The following GEMIN2 variants were observed in gnomAD, a reference collection of about 807,000 sequenced individuals.
GEMIN2 encodes the protein gem nuclear organelle associated protein 2.
In GEMIN2, 37 loss-of-function variants were observed where a neutral mutation model predicts 45.8. That is an observed-to-expected ratio of 0.81 (90% CI 0.62 to 1.06). GEMIN2 has a LOEUF of 1.06. GEMIN2 is among the 50% of genes least tolerant of loss of function. GEMIN2 has a pLI of 0.00. For missense variants in GEMIN2, 335 were observed against 321.8 expected, an observed-to-expected ratio of 1.04 and a Z score of -0.31; for synonymous variants, 101 against 111.5, an observed-to-expected ratio of 0.91 and a Z score of 0.60.
In GEMIN2 at chr14:39,114,550, C is replaced by T. The variant is rs2052477223; in HGVS notation, c.137+75C>T. The stretch of plus-strand genomic sequence containing the variant: ...GGGTACAGCCCTCGGTGCTCTATTC[C>T]CGTTCCAGTCTGTTGCGAGTTCAGG... On this transcript the variant is annotated intron_variant, in intron 1 of 9. Coordinates refer to ENST00000308317, the MANE Select transcript of GEMIN2 (RefSeq NM_003616.3). The T allele has an allele frequency of 3.7e-6, 4 of 1,095,476 alleles. No homozygotes were observed. The South Asian group carries it at 5.7e-5, about 16-fold the overall frequency. The allele number at this position is 1,095,476 out of a possible 1,614,324, so 67.9% of individuals were successfully genotyped here.
chr14:39,127,062 C>A (rs901824864), intron 6 of GEMIN2, among the ~76,000 whole-genome samples: 1 of 151,418 alleles, frequency 6.6e-6, no homozygotes, highest in African/African-American at 2.4e-5. Flanking sequence ...CCGCGCCTGG[C>A]CAACTGATGG....
rs145549333 is a variant in GEMIN2, at chr14:39,114,868, A to C, written c.177A>C (p.Gln59His). The part of the protein sequence containing the change: ...AAQCPDVVVA[Q>H]IDPKKLKRKQ... Reference sequence around the variant, plus strand: ...AATGTCCAGATGTTGTGGTAGCTCAAATTGACCCAAAGAAGTTGAAAAGGA... The same window carrying C: ...AATGTCCAGATGTTGTGGTAGCTCACATTGACCCAAAGAAGTTGAAAAGGA... Residue 59 changes from glutamine (Q) to histidine (H), a missense_variant, in exon 2 of 10, where the codon CAA becomes CAC. By Grantham distance (24) the Gln-to-His change is conservative. Transcript: ENST00000308317. 1.3e-6 allele frequency: 2 copies of C among 1,583,564 alleles called. No homozygotes were observed. The highest frequency in any genetic ancestry group is 3.3e-5 in the Admixed American group (2 of 59,968).
In GEMIN2 at chr14:39,136,592, G is replaced by C; in HGVS notation, c.*113G>C. The C allele has an allele frequency of 5.0e-6, 4 of 806,286 alleles. No homozygotes were observed. Among genetic ancestry groups the C allele is most frequent in the Non-Finnish European group, 8.5e-6 (4 of 468,486 alleles). The allele number at this position is 806,286 out of a possible 1,614,324, so 49.9% of individuals were successfully genotyped here. On this transcript the variant is annotated 3_prime_UTR_variant, in exon 10 of 10. Transcript: ENST00000308317. Reference sequence around the variant, plus strand: ...AACACATCTTCAACACTATGTGAAGGGTTCACATCTTAACCTGTGCAATTC... The same window carrying C: ...AACACATCTTCAACACTATGTGAAGCGTTCACATCTTAACCTGTGCAATTC...
In GEMIN2 at chr14:39,128,294, T is replaced by C. The variant is rs747012084; in HGVS notation, c.546T>C (p.Ser182=). 1.2e-5 allele frequency: 19 copies of C among 1,552,062 alleles called. 1 individual carries two copies. In the South Asian group the frequency reaches 2.2e-4, roughly 18 times the overall value. Residue 182 remains serine, a synonymous_variant, in exon 7 of 10, where the codon AGT becomes AGC. Coordinates refer to ENST00000308317, the MANE Select transcript of GEMIN2 (RefSeq NM_003616.3). ...VSRMNQATVT[S]VLEYLSNWFG... is the part of the protein sequence containing the mutation. ...TTTTTTTTTAGGCAACAGTAACTAGTGTCTTGGAATATCTGAGTAATTGGT... is the reference window on the plus strand; with the variant it reads ...TTTTTTTTTAGGCAACAGTAACTAGCGTCTTGGAATATCTGAGTAATTGGT...
At chr14:39,133,142 C>CAT (rs2052741753) in intron 8 of GEMIN2, among the ~76,000 whole-genome samples, 1 of 137,294 alleles carries the variant, frequency 7.3e-6, no homozygotes, top group Admixed American at 8.1e-5. Context: ...TATATATATT[C>CAT]ATATATATTC....
Position 39,128,280 on chromosome 14 carries a change from GC to G in GEMIN2, c.533del (p.Ala178GlufsTer3). 1 of 1,516,110 alleles carries G rather than the reference GC, an allele frequency of 6.6e-7. No individual in the cohort carries two copies. The highest frequency in any genetic ancestry group is 9.0e-7 in the Non-Finnish European group (1 of 1,111,328). 93.9% of individuals were successfully genotyped at this position (1,516,110 alleles called of 1,614,324 possible). ...LLSIVSRMNQ[A>X]TVTSVLEYLS... ...CTCCACCCCCTCTTTTTTTTTTTAG[GC>G]AACAGTAACTAGTGTCTTGGAATAT... On this transcript the variant is annotated frameshift_variant and splice_region_variant, in exon 7 of 10. Coordinates refer to ENST00000308317, the MANE Select transcript of GEMIN2 (RefSeq NM_003616.3). LOFTEE classifies it high-confidence loss of function.
chr14:39,128,480 C>CTTTT, intron 7 of GEMIN2, 132 bp downstream of exon 7: 1 of 235,072 alleles, frequency 4.3e-6, no homozygotes, highest in Non-Finnish European at 7.1e-6. Flanking sequence ...TTCTTTTTTT[C>CTTTT]TTTTCTTTTT....
In GEMIN2 at chr14:39,136,529, ACT is replaced by A. The variant is rs1270347038; in HGVS notation, c.*53_*54del. On this transcript the variant is annotated 3_prime_UTR_variant, in exon 10 of 10. Transcript: ENST00000308317. ...AGATATTTCTCATGAAGGCAGCCTA[ACT>A]CTGAGGAAAACAATGCCAATTCAAG... 2 of 1,474,556 alleles carry A rather than the reference ACT, an allele frequency of 1.4e-6. No individual in the cohort carries two copies. Among genetic ancestry groups the A allele is most frequent in the Non-Finnish European group, 1.9e-6 (2 of 1,059,136 alleles). 91.3% of individuals were successfully genotyped at this position (1,474,556 alleles called of 1,614,324 possible).
At chr14:39,128,515 AGGTCTCGCTCTGTTACCCAGGCTGG>A (rs1186934708) in intron 7 of GEMIN2, among the ~76,000 whole-genome samples, 167 bp downstream of exon 7, 5 of 124,304 alleles carry the variant, frequency 4.0e-5, no homozygotes, top group African/African-American at 1.6e-4. Context: ...TTTTGAGACA[AGGTCTCGCTCTGTTACCCAGGCTGG>A]GGTGCAGTAT....
At chr14:39,124,957 C>T in intron 5 of GEMIN2, 35 bp from the exon 6 acceptor site, 1 of 1,128,204 alleles carries the variant, frequency 8.9e-7, no homozygotes, top group Non-Finnish European at 1.3e-6. Flanking sequence ...CTTATAATAC[C>T]ATTTAGTAAA....
intron 2 of GEMIN2, among the ~76,000 whole-genome samples, chr14:39,116,625 T>TCTAA (rs57866212): frequency 0.99 from 150,237 of 152,206 alleles, 74,177 homozygotes; most frequent in Middle Eastern, 1. Context: ...AAGTAGTTTC[T>TCTAA]CTGATACTTG....
chr14:39,122,781 T>TGG, intron 5 of GEMIN2: 1 of 337,926 alleles, frequency 3.0e-6, no homozygotes, highest in Non-Finnish European at 5.3e-6. Context: ...TGATAGAAAA[T>TGG]GTTTGCCAAC....
intron 7 of GEMIN2, among the ~76,000 whole-genome samples, chr14:39,128,783 A>C (rs535729167): frequency 4.6e-5 from 7 of 152,048 alleles, no homozygotes; most frequent in Admixed American, 4.6e-4. Context: ...AATTACAGGC[A>C]TGAGCCACCA....
In GEMIN2 at chr14:39,133,970, A is replaced by G. The variant is rs2052752934; in HGVS notation, c.770+251A>G. 8 of 231,940 alleles carry G rather than the reference A, an allele frequency of 3.4e-5. No homozygotes were observed. In the South Asian group the frequency reaches 7.7e-4, roughly 22 times the overall value. 14.4% of individuals were successfully genotyped at this position (231,940 alleles called of 1,614,324 possible). A position where few individuals can be genotyped will look rare whatever the true frequency, so the allele number is the denominator to read the frequency against. On this transcript the variant is annotated intron_variant, in intron 9 of 9. Coordinates refer to ENST00000308317, the MANE Select transcript of GEMIN2 (RefSeq NM_003616.3). Reference sequence around the variant, plus strand: ...CACCACACCTGGCTAATTAAAAAAAATTGTTCGTAGAGACAGGGTCTCACT... The same window carrying G: ...CACCACACCTGGCTAATTAAAAAAAGTTGTTCGTAGAGACAGGGTCTCACT...
chr14:39,136,706 T>G lies in GEMIN2; in HGVS notation c.*227T>G. ...GTTTTTGATGAACAGTTTGAACAGT[T>G]TTCTGTAATCAAGCAGCTTGCATAG... is the stretch of plus-strand genomic sequence containing the variant. On this transcript the variant is annotated 3_prime_UTR_variant, in exon 10 of 10. Coordinates refer to ENST00000308317, the MANE Select transcript of GEMIN2 (RefSeq NM_003616.3). 2.3e-6 allele frequency: 1 copy of G among 436,814 alleles called. No homozygotes were observed. The highest frequency in any genetic ancestry group is 5.0e-5 in the South Asian group (1 of 19,874). 27.1% of individuals were successfully genotyped at this position (436,814 alleles called of 1,614,324 possible).
chr14:39,128,281 C>A lies in GEMIN2; in HGVS notation c.533C>A (p.Ala178Glu). The change falls in exon 7 of 10, where the codon GCA becomes GAA. Residue 178 changes from alanine to glutamate, a missense_variant and splice_region_variant. Physicochemically the swap from Ala to Glu is moderately radical, Grantham distance 107. Transcript: ENST00000308317. ...LLSIVSRMNQ[A>E]TVTSVLEYLS... ...TCCACCCCCTCTTTTTTTTTTTAGG[C>A]AACAGTAACTAGTGTCTTGGAATAT... 1 of 1,518,346 alleles carries A rather than the reference C, an allele frequency of 6.6e-7. No homozygotes were observed. The highest frequency in any genetic ancestry group is 1.8e-5 in the Admixed American group (1 of 54,298). The allele number at this position is 1,518,346 out of a possible 1,614,324, so 94.1% of individuals were successfully genotyped here. A position where few individuals can be genotyped will look rare whatever the true frequency, so the allele number is the denominator to read the frequency against.
At position 39,136,577 on chromosome 14, in the gene GEMIN2, C is replaced by A; in HGVS notation, c.*98C>A. 2.2e-6 allele frequency: 2 copies of A among 906,458 alleles called. No homozygotes were observed. Among genetic ancestry groups the A allele is most frequent in the Non-Finnish European group, 3.6e-6 (2 of 548,372 alleles). 56.2% of individuals were successfully genotyped at this position (906,458 alleles called of 1,614,324 possible). ...TCAAGTACAGATTTCAACACATCTT[C>A]AACACTATGTGAAGGGTTCACATCT... On this transcript the variant is annotated 3_prime_UTR_variant, in exon 10 of 10. Coordinates refer to ENST00000308317, the MANE Select transcript of GEMIN2 (RefSeq NM_003616.3).
At chr14:39,116,094 G>A (rs2139330521) in intron 2 of GEMIN2, among the ~76,000 whole-genome samples, 1 of 151,862 alleles carries the variant, frequency 6.6e-6, no homozygotes. Flanking sequence ...GGAGTGCAGT[G>A]GCACAATCTC....
Position 39,131,962 on chromosome 14 carries a change from G to T in GEMIN2, c.605G>T (p.Arg202Ile). The change falls in exon 8 of 10, where the codon AGA becomes ATA. Residue 202 changes from arginine to isoleucine, a missense_variant. By Grantham distance (97) the Arg-to-Ile change is moderately conservative. Transcript: ENST00000308317. ...GERDFTPELG[R>I]WLYALLACLE... ...ATTTTTTGAATTTTTTTTTAGGGAA[G>T]ATGGCTTTATGCTTTATTGGCTTGT... 1 of 1,524,600 alleles carries T rather than the reference G, an allele frequency of 6.6e-7. No homozygotes were observed. Among genetic ancestry groups the T allele is most frequent in the Non-Finnish European group, 9.0e-7 (1 of 1,105,724 alleles). 94.4% of individuals were successfully genotyped at this position (1,524,600 alleles called of 1,614,324 possible). A position where few individuals can be genotyped will look rare whatever the true frequency, so the allele number is the denominator to read the frequency against.
Sources: gnomAD v4.1 joint callset for allele counts (sites outside exome capture counted in the v4.1 genomes callset) on GRCh38, gnomAD v4.1.1 for gene constraint, MANE v1.5 for transcripts, NCBI Gene and HGNC (gene_info 2026-07-23, HGNC 2026-07-21) for gene names.